The following TTC12 variants were observed in gnomAD, a reference collection of about 807,000 sequenced individuals.
The protein encoded by TTC12 is tetratricopeptide repeat protein 12.
Under a neutral mutation model 90.1 loss-of-function variants are expected in TTC12, and 70 were observed. The ratio of observed to expected loss-of-function variants is 0.78; its 90% CI spans 0.64 to 0.95. TTC12 has a LOEUF of 0.95. Among genes scored for constraint, TTC12 ranks in the 40% least tolerant of loss-of-function variants. The pLI is 0.00. For missense variants in TTC12, 819 were observed against 846.1 expected (o/e 0.97, Z 0.40); for synonymous variants, 296 against 311.5 (o/e 0.95, Z 0.53).
chr11:113,346,821 T>C (rs1463527841), intron 13 of TTC12, among the ~76,000 whole-genome samples: 2 of 151,934 alleles, frequency 1.3e-5, no homozygotes, highest in Non-Finnish European at 2.9e-5. Context: ...CTCAATAATA[T>C]TTTTATAATC....
chr11:113,344,274 G>T lies in TTC12; in HGVS notation c.988G>T (p.Glu330Ter), dbSNP rs1286705313. Residue 330 changes from glutamate (E) to a stop codon, truncating the protein, a stop_gained and splice_region_variant, in exon 13 of 22, where the codon GAA (glutamate) becomes TAA (stop). Transcript: ENST00000529221. LOFTEE classifies it high-confidence loss of function. ...CACACAACCTCTGTGTTTTGCAGAG[G>T]AAAACCAGCGTGTGCTAGTGATACA... The part of the protein sequence containing the change: ...LWQAVCSRNE[E>*]NQRVLVIHHD... The T allele has an allele frequency of 2.5e-6, 4 of 1,610,620 alleles. No homozygotes were observed. The African/African-American group carries it at 5.3e-5, about 22-fold the overall frequency.
At chr11:113,316,412 C>A in intron 2 of TTC12, 97 bp downstream of exon 2, 1 of 522,424 alleles carries the variant, frequency 1.9e-6, no homozygotes, top group Non-Finnish European at 3.3e-6. Context: ...AGGTTTATAA[C>A]TCTTAGGAAA....
At position 113,324,482 on chromosome 11, in the gene TTC12, G is replaced by A. The variant is rs2303379; in HGVS notation, c.245-123G>A. On this transcript the variant is annotated intron_variant, in intron 4 of 21. Coordinates refer to ENST00000529221, the MANE Select transcript of TTC12 (RefSeq NM_017868.4). Reference sequence around the variant, plus strand: ...AGTTGCCTCAGAATGGTGTGTGTGCGTGTGTGTGCCTGTGTGCATATGCAT... The same window carrying A: ...AGTTGCCTCAGAATGGTGTGTGTGCATGTGTGTGCCTGTGTGCATATGCAT... 7.8e-4 allele frequency: 525 copies of A among 669,718 alleles called. 2 individuals are homozygous for A. The East Asian group carries it at 0.011, about 14-fold the overall frequency. 41.5% of individuals were successfully genotyped at this position (669,718 alleles called of 1,614,324 possible). A position where few individuals can be genotyped will look rare whatever the true frequency, so the allele number is the denominator to read the frequency against.
chr11:113,340,326 A>G (rs543376493), intron 10 of TTC12, among the ~76,000 whole-genome samples: 22 of 152,338 alleles, frequency 1.4e-4, no homozygotes, highest in African/African-American at 4.6e-4. Context: ...TTAAGAACAG[A>G]TGGATATGCT....
chr11:113,343,992 T>C (rs1948812557), intron 12 of TTC12, among the ~76,000 whole-genome samples: 1 of 152,190 alleles, frequency 6.6e-6, no homozygotes, highest in African/African-American at 2.4e-5. Context: ...GGCACAGTCA[T>C]GTACTAACTT....
intron 8 of TTC12, among the ~76,000 whole-genome samples, chr11:113,338,556 A>C (rs1233444709): frequency 1.3e-5 from 2 of 152,226 alleles, no homozygotes; most frequent in African/African-American, 2.4e-5. Context: ...AAAATTCTTT[A>C]AAACTAATTT....
chr11:113,337,286 T>C (rs782762300), intron 8 of TTC12, among the ~76,000 whole-genome samples: 10 of 152,224 alleles, frequency 6.6e-5, no homozygotes, highest in African/African-American at 1.2e-4. Context: ...ATGGAACTCA[T>C]GTTCTTGGGG....
intron 6 of TTC12, among the ~76,000 whole-genome samples, chr11:113,327,755 G>C (rs536124477): frequency 8.5e-5 from 13 of 152,290 alleles, no homozygotes; most frequent in African/African-American, 2.9e-4. Flanking sequence ...CAGCTGTCTA[G>C]AATGATGCCA....
At position 113,360,051 on chromosome 11, in the gene TTC12, C is replaced by CTTGTTTTGTT. The variant is rs71060300; in HGVS notation, c.1614+61_1614+70dup. ...AAATCCAGAAGCAGCTTCCATTGTTCTTGTTTTGTTTTGTTTTGTTTTGTT... is the reference window on the plus strand; with the variant it reads ...AAATCCAGAAGCAGCTTCCATTGTTCTTGTTTTGTTTTGTTTTGTTTTGTTTTGTTTTGTT... On this transcript the variant is annotated intron_variant, in intron 18 of 21. Transcript: ENST00000529221. The CTTGTTTTGTT allele has an allele frequency of 4.4e-3, 4,634 of 1,054,342 alleles. 141 individuals are homozygous for CTTGTTTTGTT. The African/African-American group carries it at 0.05, about 11-fold the overall frequency. The allele number at this position is 1,054,342 out of a possible 1,614,324, so 65.3% of individuals were successfully genotyped here. A position where few individuals can be genotyped will look rare whatever the true frequency, so the allele number is the denominator to read the frequency against.
intron 10 of TTC12, 28 bp downstream of exon 10, chr11:113,339,502 G>T: frequency 6.3e-7 from 1 of 1,584,068 alleles, no homozygotes; most frequent in Non-Finnish European, 8.6e-7. Context: ...GTGATCTCAT[G>T]AGTGCTGTCA....
At chr11:113,343,384 C>T (rs371848637) in intron 12 of TTC12, among the ~76,000 whole-genome samples, 5 of 152,146 alleles carry the variant, frequency 3.3e-5, no homozygotes, top group East Asian at 3.8e-4. Flanking sequence ...TCCTATCTTA[C>T]GTGGACAAGA....
intron 20 of TTC12, chr11:113,364,517 C>T: frequency 2.8e-6 from 1 of 359,560 alleles, no homozygotes; most frequent in Non-Finnish European, 5.3e-6. Context: ...GACCTCTCAC[C>T]CTGGCGCAGT....
intron 7 of TTC12, among the ~76,000 whole-genome samples, chr11:113,334,621 T>C (rs1948254431): frequency 6.6e-6 from 1 of 151,668 alleles, no homozygotes. Context: ...TGACATGGGG[T>C]GCAGGGCCGG....
intron 6 of TTC12, among the ~76,000 whole-genome samples, chr11:113,326,948 G>C (rs947857855): frequency 6.6e-6 from 1 of 152,070 alleles, no homozygotes; most frequent in Non-Finnish European, 1.5e-5. Context: ...ACAATTCAGA[G>C]GCATCACTTA....
At position 113,362,400 on chromosome 11, in the gene TTC12, G is replaced by C; in HGVS notation, c.1615-1G>C. 6.2e-7 allele frequency: 1 copy of C among 1,611,136 alleles called. No homozygotes were observed. The highest frequency in any genetic ancestry group is 8.5e-7 in the Non-Finnish European group (1 of 1,177,290). On this transcript the variant is annotated splice_acceptor_variant, in intron 18 of 21. Coordinates refer to ENST00000529221, the MANE Select transcript of TTC12 (RefSeq NM_017868.4). LOFTEE classifies it high-confidence loss of function. ...AATTATCCTCTTTCTGCTGTACTCA[G>C]AGAGCTGCTGGTGTTCTGAGCCGGA...
Position 113,350,610 on chromosome 11 carries a change from C to T in TTC12, c.1247+445C>T, listed in dbSNP as rs1304990005. On this transcript the variant is annotated intron_variant, in intron 14 of 21. Transcript: ENST00000529221. Reference sequence around the variant, plus strand: ...TTATGAGTAATGACCTCCTTCTGCCCCATGGCTTTGTGTTGTTTTGTTTTG... The same window carrying T: ...TTATGAGTAATGACCTCCTTCTGCCTCATGGCTTTGTGTTGTTTTGTTTTG... Among the ~76,000 whole-genome samples the T allele has an allele frequency of 3.3e-5, 5 of 152,234 alleles. No individual in the cohort carries two copies. In the East Asian group the frequency reaches 9.6e-4, roughly 29 times the overall value.
At chr11:113,353,550 A>G (rs1041589300) in intron 16 of TTC12, among the ~76,000 whole-genome samples, 4 of 152,156 alleles carry the variant, frequency 2.6e-5, no homozygotes, top group Non-Finnish European at 5.9e-5. Context: ...TCCTGTGTGT[A>G]GAATGGTATT....
intron 2 of TTC12, among the ~76,000 whole-genome samples, chr11:113,319,460 A>G (rs567156471): frequency 6.6e-6 from 1 of 152,338 alleles, no homozygotes; most frequent in Admixed American, 6.5e-5. Flanking sequence ...TTTAAAAAAA[A>G]GTTAATTAAA....
chr11:113,340,828 C>T, intron 11 of TTC12, 95 bp downstream of exon 11: 1 of 1,051,190 alleles, frequency 9.5e-7, no homozygotes, highest in Non-Finnish European at 1.5e-6. Flanking sequence ...AGTCACGTTT[C>T]TGAACATTAC....
Sources: allele counts gnomAD v4.1 joint callset (sites outside exome capture counted in the v4.1 genomes callset), GRCh38; gene constraint gnomAD v4.1.1; transcripts MANE v1.5; gene names NCBI Gene and HGNC (gene_info 2026-07-23, HGNC 2026-07-21).